Variants in OR9K2 observed in about 807,000 individuals in gnomAD.
OR9K2 encodes the protein olfactory receptor 9K2.
Under a neutral mutation model 12.4 loss-of-function variants are expected in OR9K2, and 16 were observed. The observed-to-expected ratio is 1.29, with a 90% CI of 0.87 to 1.95. OR9K2 has a LOEUF of 1.95. OR9K2 is among the 30% of genes most tolerant of loss of function. The pLI, the probability that OR9K2 is intolerant of heterozygous loss-of-function variation, is 0.00. For synonymous variants in OR9K2, 133 were observed against 133.2 expected (o/e 1.00, Z 0.01); for missense variants, 434 against 376.5 (o/e 1.15, Z -1.26).
At position 55,130,166 on chromosome 12, in the gene OR9K2, T is replaced by C. The variant is rs1204421254; in HGVS notation, c.332T>C (p.Ile111Thr). The change falls in exon 3 of 3, where the codon ATT becomes ACT. Residue 111 changes from isoleucine to threonine, a missense_variant. Coordinates refer to ENST00000641329, the MANE Select transcript of OR9K2 (RefSeq NM_001005243.2). ...CAGCTCTTTCTCTTTGCCCTCCTCA[T>C]TGTGACTGAGGGATTTCTCCTGGCG... is the stretch of plus-strand genomic sequence containing the variant. The part of the protein sequence containing the change: ...VAQLFLFALL[I>T]VTEGFLLAAM... 1 of 1,614,094 alleles carries C rather than the reference T, an allele frequency of 6.2e-7. No individual in the cohort carries two copies. The highest frequency in any genetic ancestry group is 2.2e-5 in the East Asian group (1 of 44,874).
chr12:55,129,735 T>G (rs1953454388), intron 2 of OR9K2, 91 bp from the exon 3 acceptor site: 1 of 1,455,732 alleles, frequency 6.9e-7, no homozygotes, highest in African/African-American at 1.4e-5. Context: ...AAAAATAGCT[T>G]TGTAAATCCT....
intron 2 of OR9K2, among the ~76,000 whole-genome samples, chr12:55,127,836 AT>A (rs1555162760): frequency 1.3e-5 from 2 of 152,066 alleles, no homozygotes; most frequent in Non-Finnish European, 2.9e-5. Context: ...TTTACCATAA[AT>A]GGTGCTAAGT....
rs1953481904 is a variant in OR9K2, at chr12:55,132,544, A to T, written c.*1768A>T. ...AAGCTAAGGAAAGAGGGCTCAGAGA[A>T]AACCAACTCTGCTGACACCTTGATC... is the stretch of plus-strand genomic sequence containing the variant. On this transcript the variant is annotated 3_prime_UTR_variant, in exon 3 of 3. Transcript: ENST00000641329. 1 of 151,928 alleles carries T rather than the reference A, an allele frequency of 6.6e-6. No individual in the cohort carries two copies. The allele number at this position is 151,928 out of a possible 1,614,324, so 9.4% of individuals were successfully genotyped here.
rs1410600039 is a variant in OR9K2 at position 55,130,684 on chromosome 12, C to T, written c.850C>T (p.Pro284Ser). 1 of 1,611,744 alleles carries T rather than the reference C, an allele frequency of 6.2e-7. No individual in the cohort carries two copies. Among genetic ancestry groups the T allele is most frequent in the South Asian group, 1.1e-5 (1 of 91,006 alleles). The part of the protein sequence containing the change: ...VASLCYSLVT[P>S]MLNPLIYSLR... ...ATCCTTATGTTACTCCCTAGTCACT[C>T]CCATGTTGAATCCTTTGATTTACTC... Residue 284 changes from proline to serine, a missense_variant, in exon 3 of 3, where the codon CCC becomes TCC. By Grantham distance (74) the Pro-to-Ser change is moderately conservative. Coordinates refer to ENST00000641329, the MANE Select transcript of OR9K2 (RefSeq NM_001005243.2).
Position 55,130,660 on chromosome 12 carries a change from TCCTTATGTTACTC to T in OR9K2, c.830_842del (p.Leu277Ter). Reference sequence around the variant, plus strand: ...ATTTCCTGAGCTGAGTAAAGTGGCATCCTTATGTTACTCCCTAGTCACTCCCATGTTGAATCCT... The same window carrying T: ...ATTTCCTGAGCTGAGTAAAGTGGCATCCTAGTCACTCCCATGTTGAATCCT... On this transcript the variant is annotated frameshift_variant, in exon 3 of 3. Transcript: ENST00000641329. LOFTEE classifies it high-confidence loss of function. 1.9e-6 allele frequency: 3 copies of T among 1,613,580 alleles called. No homozygotes were observed. The South Asian group carries it at 3.3e-5, about 18-fold the overall frequency.
Position 55,129,956 on chromosome 12 carries a change from T to A in OR9K2, c.122T>A (p.Ile41Asn). The A allele has an allele frequency of 6.2e-7, 1 of 1,614,054 alleles. No homozygotes were observed. Among genetic ancestry groups the A allele is most frequent in the South Asian group, 1.1e-5 (1 of 91,064 alleles). Residue 41 changes from isoleucine (I) to asparagine (N), a missense_variant, in exon 3 of 3, where the codon ATC becomes AAC. By Grantham distance (149) the Ile-to-Asn change is moderately radical (BLOSUM62 -3). Coordinates refer to ENST00000641329, the MANE Select transcript of OR9K2 (RefSeq NM_001005243.2). ...CTATTTTTGTTTGTTTATGCCATGA[T>A]CCTTCTAGGGAATGTTGGGATGATG... The part of the protein sequence containing the change: ...FLLFLFVYAM[I>N]LLGNVGMMTI...
chr12:55,130,311 A>G lies in OR9K2; in HGVS notation c.477A>G (p.Ser159=). The change falls in exon 3 of 3, where the codon TCA becomes TCG. Residue 159 remains serine, a synonymous_variant. Transcript: ENST00000641329. ...AGSYFCGCIS[S]VIQTSMTFTL... is the part of the protein sequence containing the mutation. ...CCTATTTTTGTGGCTGCATTAGCTC[A>G]GTTATTCAGACTAGCATGACATTTA... The G allele has an allele frequency of 6.2e-7, 1 of 1,613,858 alleles. No homozygotes were observed. Among genetic ancestry groups the G allele is most frequent in the East Asian group, 2.2e-5 (1 of 44,876 alleles).
At chr12:55,127,209 G>A (rs890620801) in intron 2 of OR9K2, among the ~76,000 whole-genome samples, 16 of 151,516 alleles carry the variant, frequency 1.1e-4, no homozygotes, top group East Asian at 3.9e-4. Flanking sequence ...TTGACAATAC[G>A]CAGCAAACAA....
In OR9K2 at chr12:55,130,649, G is replaced by A. The variant is rs1270136586; in HGVS notation, c.815G>A (p.Ser272Asn). 1 of 1,613,640 alleles carries A rather than the reference G, an allele frequency of 6.2e-7. No homozygotes were observed. The highest frequency in any genetic ancestry group is 1.3e-5 in the African/African-American group (1 of 74,862). The change falls in exon 3 of 3, where the codon AGT becomes AAT. Residue 272 changes from serine (S) to asparagine (N), a missense_variant. Physicochemically the swap from Ser to Asn is conservative, Grantham distance 46. Coordinates refer to ENST00000641329, the MANE Select transcript of OR9K2 (RefSeq NM_001005243.2). ...YLTPDRFPEL[S>N]KVASLCYSLV... Reference sequence around the variant, plus strand: ...ACTCCTGACAGATTTCCTGAGCTGAGTAAAGTGGCATCCTTATGTTACTCC... The same window carrying A: ...ACTCCTGACAGATTTCCTGAGCTGAATAAAGTGGCATCCTTATGTTACTCC...
At chr12:55,129,744 C>G in intron 2 of OR9K2, 82 bp from the exon 3 acceptor site, 2 of 1,530,474 alleles carry the variant, frequency 1.3e-6, no homozygotes, top group Non-Finnish European at 1.8e-6. Context: ...TTTGTAAATC[C>G]TAATACCATA....
intron 2 of OR9K2, among the ~76,000 whole-genome samples, chr12:55,127,713 C>T (rs989356525): frequency 1.1e-4 from 16 of 151,928 alleles, no homozygotes; most frequent in Non-Finnish European, 1.3e-4. Context: ...TGTCCAAAAA[C>T]GACCATATAT....
chr12:55,129,229 G>T (rs1160131401), intron 2 of OR9K2, among the ~76,000 whole-genome samples: 1 of 152,056 alleles, frequency 6.6e-6, no homozygotes, highest in Non-Finnish European at 1.5e-5. Flanking sequence ...TTTTGTGCTT[G>T]GTTGCACACA....
chr12:55,129,947 A>G lies in OR9K2; in HGVS notation c.113A>G (p.Tyr38Cys), dbSNP rs1953456765. 6.2e-7 allele frequency: 1 copy of G among 1,613,960 alleles called. No homozygotes were observed. The highest frequency in any genetic ancestry group is 8.5e-7 in the Non-Finnish European group (1 of 1,179,910). Residue 38 changes from tyrosine to cysteine, a missense_variant, in exon 3 of 3, where the codon TAT becomes TGT. By Grantham distance (194) the Tyr-to-Cys change is radical (BLOSUM62 -2). Transcript: ENST00000641329. ...CTCTTCCTGCTATTTTTGTTTGTTT[A>G]TGCCATGATCCTTCTAGGGAATGTT... is the stretch of plus-strand genomic sequence containing the variant. The part of the protein sequence containing the change: ...ILLFLLFLFV[Y>C]AMILLGNVGM...
At chr12:55,129,623 T>G (rs1285782636) in intron 2 of OR9K2, 7 of 637,614 alleles carry the variant, frequency 1.1e-5, no homozygotes, top group Non-Finnish European at 1.6e-5. Context: ...CTCTAACACT[T>G]AAAGAAATAA....
chr12:55,127,495 C>A (rs1489868333), intron 2 of OR9K2, among the ~76,000 whole-genome samples: 1 of 151,950 alleles, frequency 6.6e-6, no homozygotes, highest in South Asian at 2.1e-4. Context: ...GCTCTTACTA[C>A]TTCTTAATTA....
chr12:55,132,140 G>A lies in OR9K2; in HGVS notation c.*1364G>A, dbSNP rs1282296675. 6.6e-6 allele frequency: 1 copy of A among 152,120 alleles called. No homozygotes were observed. The highest frequency in any genetic ancestry group is 2.4e-5 in the African/African-American group (1 of 41,438). 9.4% of individuals were successfully genotyped at this position (152,120 alleles called of 1,614,324 possible). ...CTACAGTGAACATTTTAAATGACAA[G>A]AAACTAGAAGCTTTCCTACTATTAT... On this transcript the variant is annotated 3_prime_UTR_variant, in exon 3 of 3. Transcript: ENST00000641329.
rs759102147 is a variant in OR9K2 at position 55,130,133 on chromosome 12, G to C, written c.299G>C (p.Cys100Ser). The change falls in exon 3 of 3, where the codon TGT (cysteine) becomes TCT (serine). Residue 100 changes from cysteine to serine, a missense_variant. Cys to Ser is a moderately radical substitution (Grantham distance 112). Coordinates refer to ENST00000641329, the MANE Select transcript of OR9K2 (RefSeq NM_001005243.2). ...AACAAGTCTATCTCCTTTGCAGGCT[G>C]TGTGGCCCAGCTCTTTCTCTTTGCC... ...SENKSISFAG[C>S]VAQLFLFALL... The C allele has an allele frequency of 1.2e-6, 2 of 1,613,794 alleles. No individual in the cohort carries two copies. The highest frequency in any genetic ancestry group is 1.1e-5 in the South Asian group (1 of 91,080).
chr12:55,129,831 T>C lies in OR9K2; in HGVS notation c.-4T>C, dbSNP rs141858060. ...TGCCCTGTGCCTCTCAACAGGTTTC[T>C]ACCATGGGTGACAGGGGAACAAGCA... On this transcript the variant is annotated 5_prime_UTR_variant, in exon 3 of 3. Transcript: ENST00000641329. 311 of 1,613,498 alleles carry C rather than the reference T, an allele frequency of 1.9e-4. No individual in the cohort carries two copies. The highest frequency in any genetic ancestry group is 2.4e-4 in the Non-Finnish European group (286 of 1,179,438).
rs1025158711 is a variant in OR9K2 at position 55,131,097 on chromosome 12, T to A, written c.*321T>A. ...ATATTTTGTATTTTGTTATAGTGCT[T>A]CAGCAAGATTTTATCTGGTGTTTGT... is the stretch of plus-strand genomic sequence containing the variant. On this transcript the variant is annotated 3_prime_UTR_variant, in exon 3 of 3. Coordinates refer to ENST00000641329, the MANE Select transcript of OR9K2 (RefSeq NM_001005243.2). 2 of 184,364 alleles carry A rather than the reference T, an allele frequency of 1.1e-5. No homozygotes were observed. Among genetic ancestry groups the A allele is most frequent in the African/African-American group, 4.8e-5 (2 of 42,020 alleles). 11.4% of individuals were successfully genotyped at this position (184,364 alleles called of 1,614,324 possible).
Sources: gnomAD v4.1 joint callset for allele counts (sites outside exome capture counted in the v4.1 genomes callset) on GRCh38, gnomAD v4.1.1 for gene constraint, MANE v1.5 for transcripts, NCBI Gene and HGNC (gene_info 2026-07-23, HGNC 2026-07-21) for gene names.